Variants in MACROD2 observed in about 807,000 individuals in gnomAD.
MACROD2 encodes the protein ADP-ribose glycohydrolase MACROD2.
In MACROD2, 36 loss-of-function variants were observed where a neutral mutation model predicts 70.4. The ratio of observed to expected loss-of-function variants is 0.51; its 90% CI spans 0.39 to 0.68. The LOEUF is 0.68. MACROD2 is among the 30% of genes least tolerant of loss of function. The pLI, the probability that MACROD2 is intolerant of heterozygous loss-of-function variation, is 0.00. For synonymous variants in MACROD2, 172 were observed against 178.8 expected (o/e 0.96, Z 0.30); for missense variants, 496 against 538.4 (o/e 0.92, Z 0.78).
In MACROD2 at chr20:14,456,033, A is replaced by G. The variant is rs575418918; in HGVS notation, c.272-37446A>G. Among the ~76,000 whole-genome samples the G allele has an allele frequency of 3.2e-4, 48 of 151,984 alleles. 1 individual carries two copies. Among genetic ancestry groups the G allele is most frequent in the African/African-American group, 1.1e-3 (47 of 41,252 alleles). ...AAATTTGCAGTGATTCTATTAAAAT[A>G]TATGAATTAAAGAATTCTCTTGTTC... is the stretch of plus-strand genomic sequence containing the variant. On this transcript the variant is annotated intron_variant, in intron 3 of 17. Transcript: ENST00000684519.
chr20:14,576,403 C>G (rs1267699156), intron 4 of MACROD2, among the ~76,000 whole-genome samples: 2 of 152,172 alleles, frequency 1.3e-5, no homozygotes, highest in African/African-American at 4.8e-5. Context: ...CTTATGAGAG[C>G]CCCTTTATGT....
At chr20:15,275,092 T>A (rs6034141) in intron 6 of MACROD2, among the ~76,000 whole-genome samples, 40,527 of 152,078 alleles carry the variant, frequency 0.27, 6,686 homozygotes, top group African/African-American at 0.47. Context: ...TTAGGCTAGA[T>A]GATCCCATAG....
At chr20:14,763,404 A>G (rs1318567124) in intron 5 of MACROD2, among the ~76,000 whole-genome samples, 1 of 152,122 alleles carries the variant, frequency 6.6e-6, no homozygotes, top group African/African-American at 2.4e-5. Flanking sequence ...GAAGAGTTCT[A>G]ATTAATGGAA....
intron 6 of MACROD2, among the ~76,000 whole-genome samples, chr20:15,349,079 A>C (rs975936419): frequency 2.0e-5 from 3 of 152,262 alleles, no homozygotes; most frequent in Admixed American, 1.3e-4. Flanking sequence ...GCTCTGGAGA[A>C]TTTTAGCATG....
At chr20:15,720,515 G>A (rs113058774) in intron 8 of MACROD2, among the ~76,000 whole-genome samples, 19 of 152,244 alleles carry the variant, frequency 1.2e-4, no homozygotes, top group African/African-American at 4.6e-4. Flanking sequence ...AGAACCAACC[G>A]CTGCATCTTT....
At position 14,548,713 on chromosome 20, in the gene MACROD2, G is replaced by A. The variant is rs1187122302; in HGVS notation, c.301+55205G>A. On this transcript the variant is annotated intron_variant, in intron 4 of 17. Coordinates refer to ENST00000684519, the MANE Select transcript of MACROD2 (RefSeq NM_001351661.2). ...AGCCTGGGCGACAGAGTGAGACTCCGTCTCAAAAAAAAAAAAAAAAAAAAA... is the reference window on the plus strand; with the variant it reads ...AGCCTGGGCGACAGAGTGAGACTCCATCTCAAAAAAAAAAAAAAAAAAAAA... 6.9e-4 allele frequency among the ~76,000 whole-genome samples: 6 copies of A among 8,752 alleles called. 2 individuals carry two copies. Among genetic ancestry groups the A allele is most frequent in the African/African-American group, 1.7e-3 (6 of 3,468 alleles). The allele number at this position is 8,752 out of a possible 152,430, so 5.7% of individuals were successfully genotyped here. A position where few individuals can be genotyped will look rare whatever the true frequency, so the allele number is the denominator to read the frequency against.
intron 8 of MACROD2, among the ~76,000 whole-genome samples, chr20:15,715,602 A>C (rs6043479): frequency 4.1e-4 from 63 of 152,276 alleles, no homozygotes; most frequent in African/African-American, 1.4e-3. Context: ...TGTCTATGAG[A>C]TAAGTTTTGC....
chr20:14,132,434 T>C (rs2054730699), intron 3 of MACROD2, among the ~76,000 whole-genome samples: 2 of 152,208 alleles, frequency 1.3e-5, no homozygotes, highest in African/African-American at 4.8e-5. Flanking sequence ...GACTTTATAG[T>C]TCTTTCTTTA....
chr20:14,333,457 G>T (rs2082879604), intron 3 of MACROD2, among the ~76,000 whole-genome samples: 1 of 152,162 alleles, frequency 6.6e-6, no homozygotes. Context: ...ATGAATTAGA[G>T]AACAAGAGTT....
At chr20:14,360,557 A>G (rs2083211852) in intron 3 of MACROD2, among the ~76,000 whole-genome samples, 1 of 152,200 alleles carries the variant, frequency 6.6e-6, no homozygotes, top group Non-Finnish European at 1.5e-5. Context: ...TGCTGTTTGT[A>G]AAAAGAACTT....
At chr20:14,803,473 A>G (rs2072602294) in intron 5 of MACROD2, among the ~76,000 whole-genome samples, 1 of 151,896 alleles carries the variant, frequency 6.6e-6, no homozygotes, top group Non-Finnish European at 1.5e-5. Flanking sequence ...ATTTTATAGT[A>G]TATTTTGTTC....
intron 5 of MACROD2, among the ~76,000 whole-genome samples, chr20:14,743,216 T>G (rs972094821): frequency 5.9e-5 from 9 of 152,132 alleles, no homozygotes; most frequent in African/African-American, 2.2e-4. Context: ...CATATTGTGG[T>G]AGTAAGAATG....
At chr20:14,661,544 T>A (rs1351897101) in intron 4 of MACROD2, among the ~76,000 whole-genome samples, 5 of 152,170 alleles carry the variant, frequency 3.3e-5, no homozygotes, top group African/African-American at 1.2e-4. Context: ...CTGCAGAAGC[T>A]CTGTAGTTTA....
intron 6 of MACROD2, among the ~76,000 whole-genome samples, chr20:15,342,938 G>T (rs1427897460): frequency 6.6e-6 from 1 of 152,138 alleles, no homozygotes; most frequent in African/African-American, 2.4e-5. Flanking sequence ...ATATCTTCCA[G>T]TTGTTTCTTC....
At chr20:14,234,478 A>G (rs1200546894) in intron 3 of MACROD2, among the ~76,000 whole-genome samples, 1 of 152,144 alleles carries the variant, frequency 6.6e-6, no homozygotes, top group African/African-American at 2.4e-5. Flanking sequence ...CTGAAGGTAT[A>G]TGGTTATACT....
chr20:14,346,217 A>G (rs1032039843), intron 3 of MACROD2, among the ~76,000 whole-genome samples: 8 of 151,860 alleles, frequency 5.3e-5, no homozygotes, highest in African/African-American at 1.9e-4. Flanking sequence ...AACAATAATG[A>G]TCCCAAATAT....
rs138727121 is a variant in MACROD2, at chr20:14,042,822, A to G, written c.163+40418A>G. Among the ~76,000 whole-genome samples, 718 of 152,200 alleles carry G rather than the reference A, an allele frequency of 4.7e-3. 5 individuals carry two copies. The highest frequency in any genetic ancestry group is 0.016 in the African/African-American group (663 of 41,552). ...GCTCCTCCAATTCAGTTCTCACACT[A>G]TCTACCTGAAGACAGCATCAAAGCC... On this transcript the variant is annotated intron_variant, in intron 2 of 17. Transcript: ENST00000684519.
At chr20:14,560,308 T>TACAC (rs1232499100) in intron 4 of MACROD2, among the ~76,000 whole-genome samples, 32,562 of 146,978 alleles carry the variant, frequency 0.22, 3,869 homozygotes, top group Non-Finnish European at 0.28. Context: ...GTACTTAATG[T>TACAC]ACACACACAC....
intron 5 of MACROD2, among the ~76,000 whole-genome samples, chr20:15,071,732 T>A (rs1298375019): frequency 1.3e-5 from 2 of 152,176 alleles, no homozygotes; most frequent in Admixed American, 6.6e-5. Flanking sequence ...AAATTAAAAT[T>A]AGCACCTTAG....
Sources: gnomAD v4.1 joint callset for allele counts (sites outside exome capture counted in the v4.1 genomes callset) on GRCh38, gnomAD v4.1.1 for gene constraint, MANE v1.5 for transcripts, NCBI Gene and HGNC (gene_info 2026-07-23, HGNC 2026-07-21) for gene names.